The following ATP8A2 variants were observed in gnomAD, a reference collection of about 807,000 sequenced individuals.
ATP8A2 encodes ATPase phospholipid transporting 8A2.
In ATP8A2, 100 loss-of-function variants were observed where a neutral mutation model predicts 165.6. The observed-to-expected ratio is 0.60, with a 90% CI of 0.51 to 0.71. The LOEUF (loss-of-function observed/expected upper bound fraction) is 0.71, where lower values mean the gene tolerates loss of function less well. Among genes scored for constraint, ATP8A2 ranks in the 30% least tolerant of loss-of-function variants. The pLI, the probability that ATP8A2 is intolerant of heterozygous loss-of-function variation, is 0.00. For missense variants in ATP8A2, 1,227 were observed against 1,479.5 expected, an observed-to-expected ratio of 0.83 and a Z score of 2.80; for synonymous variants, 543 against 548.8, an observed-to-expected ratio of 0.99 and a Z score of 0.15.
Position 25,581,902 on chromosome 13 carries a change from A to G in ATP8A2, c.2091A>G (p.Ala697=). 6.2e-7 allele frequency: 1 copy of G among 1,613,962 alleles called. No individual in the cohort carries two copies. Among genetic ancestry groups the G allele is most frequent in the Non-Finnish European group, 8.5e-7 (1 of 1,179,822 alleles). Residue 697 remains alanine (A), a synonymous_variant, in exon 23 of 37, where the codon GCA becomes GCG. Coordinates refer to ENST00000381655, the MANE Select transcript of ATP8A2 (RefSeq NM_016529.6). ...AAACCATCGCAACACTGTTGAAGGC[A>G]GAAATTAAAATATGGGTGTTGACAG... ...VPETIATLLK[A]EIKIWVLTGD...
intron 35 of ATP8A2, among the ~76,000 whole-genome samples, chr13:25,993,472 A>G (rs9581503): frequency 0.019 from 2,921 of 152,340 alleles, 96 homozygotes; most frequent in African/African-American, 0.066. Flanking sequence ...CTCTGTTTGC[A>G]AAAGTTGTAT....
At chr13:25,874,659 G>A (rs1026917537) in intron 33 of ATP8A2, among the ~76,000 whole-genome samples, 1 of 152,120 alleles carries the variant, frequency 6.6e-6, no homozygotes. Context: ...CAGCACGGAG[G>A]TGGCTCAAGA....
chr13:25,711,052 T>C (rs941971327), intron 25 of ATP8A2, among the ~76,000 whole-genome samples: 3 of 152,162 alleles, frequency 2.0e-5, no homozygotes, highest in African/African-American at 7.2e-5. Flanking sequence ...TCGCCCAGGC[T>C]GGAATGCTGT....
chr13:25,994,987 G>A (rs1956468132), intron 35 of ATP8A2, among the ~76,000 whole-genome samples: 1 of 151,994 alleles, frequency 6.6e-6, no homozygotes, highest in African/African-American at 2.4e-5. Flanking sequence ...CTCCAGTGAG[G>A]CCATATAAAT....
At chr13:25,990,988 A>C (rs189164516) in intron 35 of ATP8A2, among the ~76,000 whole-genome samples, 120 of 152,206 alleles carry the variant, frequency 7.9e-4, no homozygotes, top group African/African-American at 2.8e-3. Flanking sequence ...CAGCCTTGCA[A>C]GTCGTGGAAT....
intron 33 of ATP8A2, among the ~76,000 whole-genome samples, chr13:25,918,134 G>T (rs117956625): frequency 6.6e-6 from 1 of 152,212 alleles, no homozygotes; most frequent in Admixed American, 6.5e-5. Context: ...ATGGATTTGA[G>T]CTGACTGCCA....
intron 36 of ATP8A2, among the ~76,000 whole-genome samples, chr13:26,014,676 T>C (rs538346318): frequency 6.6e-6 from 1 of 152,166 alleles, no homozygotes; most frequent in Non-Finnish European, 1.5e-5. Context: ...TATGGGACTA[T>C]TGGGTTGGTT....
intron 30 of ATP8A2, among the ~76,000 whole-genome samples, chr13:25,848,537 C>G (rs7333536): frequency 0.032 from 4,831 of 152,248 alleles, 279 homozygotes; most frequent in African/African-American, 0.11. Flanking sequence ...TTTTTACTTC[C>G]TTTTTCAGAT....
intron 2 of ATP8A2, among the ~76,000 whole-genome samples, chr13:25,519,998 C>A (rs1389160481): frequency 2.0e-5 from 3 of 152,168 alleles, no homozygotes; most frequent in Non-Finnish European, 4.4e-5. Flanking sequence ...GTGTAAAGAT[C>A]AAATCAAGGT....
intron 6 of ATP8A2, among the ~76,000 whole-genome samples, chr13:25,535,823 A>G (rs1297732257): frequency 6.6e-6 from 1 of 152,110 alleles, no homozygotes; most frequent in Non-Finnish European, 1.5e-5. Context: ...TCAAAAACAG[A>G]AAACAAACAA....
chr13:25,909,342 T>A (rs1291111774), intron 33 of ATP8A2, among the ~76,000 whole-genome samples: 1 of 152,234 alleles, frequency 6.6e-6, no homozygotes, highest in African/African-American at 2.4e-5. Context: ...TAGACTTATT[T>A]GATAACTACA....
intron 24 of ATP8A2, among the ~76,000 whole-genome samples, chr13:25,640,169 C>T (rs577762767): frequency 2.0e-5 from 3 of 152,228 alleles, no homozygotes; most frequent in East Asian, 3.9e-4. Flanking sequence ...CTAAAATTGA[C>T]ACCCTAACAT....
At chr13:25,861,899 A>T (rs1952364636) in intron 32 of ATP8A2, among the ~76,000 whole-genome samples, 1 of 152,252 alleles carries the variant, frequency 6.6e-6, no homozygotes, top group South Asian at 2.1e-4. Context: ...CAAAGTCTTG[A>T]AATGATAAAT....
intron 1 of ATP8A2, among the ~76,000 whole-genome samples, chr13:25,376,114 G>GAA (rs5802329): frequency 0.061 from 9,276 of 151,624 alleles, 483 homozygotes; most frequent in African/African-American, 0.13. Context: ...CTTTACAAAT[G>GAA]AAAAAAAAAT....
intron 33 of ATP8A2, among the ~76,000 whole-genome samples, chr13:25,884,093 T>C (rs3783124): frequency 0.045 from 6,904 of 152,254 alleles, 248 homozygotes; most frequent in East Asian, 0.16. Context: ...ACCCTCAGTG[T>C]TACTCCCTTG....
At chr13:25,785,183 G>C (rs1222694977) in intron 27 of ATP8A2, among the ~76,000 whole-genome samples, 1 of 151,740 alleles carries the variant, frequency 6.6e-6, no homozygotes, top group African/African-American at 2.4e-5. Flanking sequence ...CAGATCACCT[G>C]AGGTCAGGAG....
Position 25,873,294 on chromosome 13 carries a change from T to C in ATP8A2, c.3183+10886T>C, listed in dbSNP as rs151291535. On this transcript the variant is annotated intron_variant, in intron 33 of 36. Transcript: ENST00000381655. ...GGCTTATTAATTGCTTTAAGTGGAGTTTATAAATCAAGATTTATAAAGTGT... is the reference window on the plus strand; with the variant it reads ...GGCTTATTAATTGCTTTAAGTGGAGCTTATAAATCAAGATTTATAAAGTGT... 3.8e-3 allele frequency among the ~76,000 whole-genome samples: 571 copies of C among 152,150 alleles called. 6 individuals carry two copies. Among genetic ancestry groups the C allele is most frequent in the African/African-American group, 0.013 (553 of 41,494 alleles).
chr13:25,746,335 G>C (rs2044031117), intron 25 of ATP8A2, among the ~76,000 whole-genome samples: 1 of 152,198 alleles, frequency 6.6e-6, no homozygotes, highest in African/African-American at 2.4e-5. Context: ...AAGCAGGACA[G>C]ATGGATGGCA....
intron 35 of ATP8A2, among the ~76,000 whole-genome samples, chr13:26,007,781 A>G (rs924509075): frequency 1.2e-4 from 19 of 152,206 alleles, no homozygotes; most frequent in Non-Finnish European, 2.2e-4. Flanking sequence ...GTATCAGACC[A>G]TGCAAAGGGC....
Sources: allele counts gnomAD v4.1 joint callset (sites outside exome capture counted in the v4.1 genomes callset), GRCh38; gene constraint gnomAD v4.1.1; transcripts MANE v1.5; gene names NCBI Gene and HGNC (gene_info 2026-07-23, HGNC 2026-07-21).